ADGRE3: variants seen among roughly 807,000 people sequenced by gnomAD.
The protein encoded by ADGRE3 is EGF-like module receptor 3.
ADGRE3 carries 88 observed loss-of-function variants against 80.1 expected under a neutral mutation model. That is an observed-to-expected ratio of 1.10 (90% confidence interval 0.93 to 1.31). The LOEUF is 1.31. Ranked by LOEUF, ADGRE3 falls within the 40% of genes most tolerant of loss-of-function variation. The probability of loss-of-function intolerance (pLI) is 0.00; values close to 1 mark genes in which losing one functional copy is unlikely to be tolerated. For missense variants in ADGRE3, 715 were observed against 776.5 expected (o/e 0.92, Z 0.94); for synonymous variants, 281 against 294.8 (o/e 0.95, Z 0.48).
chr19:14,652,340 A>G (rs1185612689), intron 6 of ADGRE3, among the ~76,000 whole-genome samples: 1 of 152,154 alleles, frequency 6.6e-6, no homozygotes, highest in African/African-American at 2.4e-5. Flanking sequence ...TATCTTAAAA[A>G]CAGACAACCC....
chr19:14,615,197 GC>G (rs2075068241), downstream of ADGRE3, among the ~76,000 whole-genome samples: 1 of 129,366 alleles, frequency 7.7e-6, no homozygotes. Flanking sequence ...TTCTACAGCT[GC>G]CTTCTTTTTT....
At position 14,663,419 on chromosome 19, in the gene ADGRE3, G is replaced by A. The variant is rs545206911; in HGVS notation, c.198C>T (p.Asn66=). Residue 66 remains asparagine, a splice_region_variant and synonymous_variant, in exon 3 of 16, where the codon AAC becomes AAT. Transcript: ENST00000253673. ...KLFTFPLETC[N]DINECTPPYS... Reference sequence around the variant, plus strand: ...TAAAAAATAATAATACTTCTTTACCGTTACATGTCTCCAAGGGGAATGTGA... The same window carrying A: ...TAAAAAATAATAATACTTCTTTACCATTACATGTCTCCAAGGGGAATGTGA... The A allele has an allele frequency of 6.3e-6, 10 of 1,576,396 alleles. No individual in the cohort carries two copies. The highest frequency in any genetic ancestry group is 2.3e-5 in the East Asian group (1 of 44,338).
At chr19:14,638,051 C>T (rs879570451) in intron 11 of ADGRE3, 54 bp downstream of exon 11, 148 of 1,359,008 alleles carry the variant, frequency 1.1e-4, no homozygotes, top group Non-Finnish European at 1.5e-4. Context: ...GAATGCTGCC[C>T]TCAAAAGCTT....
At chr19:14,611,187 T>C in the ADGRE3 span, 2 of 151,972 alleles carry the variant, frequency 1.3e-5, no homozygotes, top group African/African-American at 2.4e-5. Flanking sequence ...AGAGCTTCTA[T>C]ATTCACCCCA....
chr19:14,615,765 A>AG (rs1363308715), downstream of ADGRE3, among the ~76,000 whole-genome samples: 11 of 151,844 alleles, frequency 7.2e-5, no homozygotes, highest in East Asian at 1.6e-3. Flanking sequence ...GCTAAAAAAA[A>AG]AAAAAAATTA....
intron 8 of ADGRE3, among the ~76,000 whole-genome samples, chr19:14,645,152 C>A (rs1050190188): frequency 3.9e-5 from 6 of 152,094 alleles, no homozygotes; most frequent in Admixed American, 2.0e-4. Context: ...GGTTTTAGAA[C>A]CTTGCCCCAA....
intron 7 of ADGRE3, among the ~76,000 whole-genome samples, chr19:14,650,810 C>A (rs1297394611): frequency 6.6e-6 from 1 of 152,120 alleles, no homozygotes; most frequent in Non-Finnish European, 1.5e-5. Context: ...TCTCACACTT[C>A]TTTCAGGGTT....
intron 7 of ADGRE3, among the ~76,000 whole-genome samples, chr19:14,648,069 G>A (rs1398185224): frequency 7.9e-6 from 1 of 125,936 alleles, no homozygotes; most frequent in East Asian, 2.4e-4. Context: ...GTGACAGAGT[G>A]AGACTCCATC....
chr19:14,639,130 G>A, intron 10 of ADGRE3, among the ~76,000 whole-genome samples: 1 of 152,028 alleles, frequency 6.6e-6, no homozygotes, highest in Admixed American at 6.6e-5. Context: ...GGGCTGAAGT[G>A]ATCCTCCCGC....
At chr19:14,625,727 G>T in intron 14 of ADGRE3, 128 bp from the exon 15 acceptor site, 1 of 633,570 alleles carries the variant, frequency 1.6e-6, no homozygotes, top group Non-Finnish European at 2.8e-6. Context: ...TGGTCTATTC[G>T]TACAATGGAA....
At chr19:14,661,077 G>T (rs12973261) in intron 4 of ADGRE3, among the ~76,000 whole-genome samples, 46,732 of 151,476 alleles carry the variant, frequency 0.31, 7,320 homozygotes, top group Middle Eastern at 0.43. Context: ...GAGAAGCTGG[G>T]ATTACAGGCA....
chr19:14,670,316 A>G (rs1972219846), intron 1 of ADGRE3, among the ~76,000 whole-genome samples: 1 of 152,158 alleles, frequency 6.6e-6, no homozygotes, highest in Non-Finnish European at 1.5e-5. Context: ...CTAAGCTCTA[A>G]GCATGAGTGT....
chr19:14,624,158 G>A (rs922978547), intron 15 of ADGRE3, among the ~76,000 whole-genome samples: 2 of 150,086 alleles, frequency 1.3e-5, no homozygotes, highest in African/African-American at 2.5e-5. Context: ...GCAATGGCAC[G>A]AGCTCGGCTC....
chr19:14,655,631 AT>A (rs1000108708), intron 5 of ADGRE3, among the ~76,000 whole-genome samples: 24 of 146,484 alleles, frequency 1.6e-4, no homozygotes, highest in African/African-American at 2.5e-4. Context: ...AATTTTTTTA[AT>A]TTTTTTTTTT....
At chr19:14,649,166 C>A (rs1971506349) in intron 7 of ADGRE3, among the ~76,000 whole-genome samples, 1 of 149,104 alleles carries the variant, frequency 6.7e-6, no homozygotes, top group African/African-American at 2.5e-5. Flanking sequence ...ATCTCTCTCC[C>A]CATCTCTCTC....
rs1385710278 is a variant in ADGRE3, at chr19:14,619,229, T to C, written c.*204A>G. ...TTTCCAGGGACAAGCATTGACTGAA[T>C]ACACCATAGTGAAGAGAAATGCAAT... On this transcript the variant is annotated 3_prime_UTR_variant, in exon 16 of 16. Coordinates refer to ENST00000253673, the MANE Select transcript of ADGRE3 (RefSeq NM_032571.5). The C allele has an allele frequency of 1.7e-6, 1 of 577,416 alleles. No homozygotes were observed. The highest frequency in any genetic ancestry group is 2.1e-5 in the South Asian group (1 of 47,698). 35.8% of individuals were successfully genotyped at this position (577,416 alleles called of 1,614,324 possible).
chr19:14,604,492 C>T, the ADGRE3 span, among the ~76,000 whole-genome samples: 1 of 152,138 alleles, frequency 6.6e-6, no homozygotes, highest in Non-Finnish European at 1.5e-5. Flanking sequence ...CGGCCGGCTG[C>T]AGTGGCTCGA....
At position 14,620,566 on chromosome 19, in the gene ADGRE3, ATATTTTTTTTTTT is replaced by A. The variant is rs1568471686; in HGVS notation, c.1921-1108_1921-1096del. Reference sequence around the variant, plus strand: ...ATATATATTATATATATATATATATATATTTTTTTTTTTTTTTTTTTTTTTTTTTTTGAGACAG... The same window carrying A: ...ATATATATTATATATATATATATATATTTTTTTTTTTTTTTTTTGAGACAG... On this transcript the variant is annotated intron_variant, in intron 15 of 15. Transcript: ENST00000253673. Among the ~76,000 whole-genome samples the A allele has an allele frequency of 3.3e-3, 53 of 16,042 alleles. 3 individuals carry two copies. Among genetic ancestry groups the A allele is most frequent in the East Asian group, 0.014 (7 of 510 alleles). 10.5% of individuals were successfully genotyped at this position (16,042 alleles called of 152,430 possible).
At position 14,647,390 on chromosome 19, in the gene ADGRE3, T is replaced by C. The variant is rs185017512; in HGVS notation, c.698-25A>G. On this transcript the variant is annotated intron_variant, in intron 7 of 15. Transcript: ENST00000253673. ...CCTGAGGAAACAGAAAGATGGAATCTTTTTTCTTTTCTTTTCTTTCTTTTT... is the reference window on the plus strand; with the variant it reads ...CCTGAGGAAACAGAAAGATGGAATCCTTTTTCTTTTCTTTTCTTTCTTTTT... 9 of 1,487,088 alleles carry C rather than the reference T, an allele frequency of 6.1e-6. No individual in the cohort carries two copies. In the Admixed American group the frequency reaches 1.8e-4, roughly 29 times the overall value. 92.1% of individuals were successfully genotyped at this position (1,487,088 alleles called of 1,614,324 possible).
Sources: allele counts gnomAD v4.1 joint callset (sites outside exome capture counted in the v4.1 genomes callset), GRCh38; gene constraint gnomAD v4.1.1; transcripts MANE v1.5; gene names NCBI Gene and HGNC (gene_info 2026-07-23, HGNC 2026-07-21).